The following TSEN54 variants were observed in gnomAD, a reference collection of about 807,000 sequenced individuals.
The protein encoded by TSEN54 is tRNA splicing endonuclease subunit 54, also known as tRNA-splicing endonuclease subunit Sen54.
TSEN54 carries 55 observed loss-of-function variants against 61.9 expected under a neutral mutation model. That is an observed-to-expected ratio of 0.89 (90% CI 0.72 to 1.11). The LOEUF is 1.11. Ranked by LOEUF, TSEN54 falls within the 50% of genes most tolerant of loss-of-function variation. The pLI is 0.00. For missense variants in TSEN54, 760 were observed against 687.7 expected (o/e 1.11, Z -1.18); for synonymous variants, 304 against 288.7 (o/e 1.05, Z -0.54).
Position 75,524,380 on chromosome 17 carries a change from G to A in TSEN54, c.1549G>A (p.Asp517Asn), listed in dbSNP as rs777374981. 3.7e-6 allele frequency: 6 copies of A among 1,614,190 alleles called. No homozygotes were observed. The highest frequency in any genetic ancestry group is 5.1e-6 in the Non-Finnish European group (6 of 1,180,040). Residue 517 changes from aspartate to asparagine, a missense_variant, in exon 11 of 11, where the codon GAC becomes AAC. By Grantham distance (23) the Asp-to-Asn change is conservative (BLOSUM62 1). This residue lies in a region of TSEN54 where 83 missense variants were observed against 82.9 expected (regional missense o/e 1.00). Transcript: ENST00000333213. ...TGACATCTCCTTCTACAGCTTCAGG[G>A]ACTTCACGTTGCCCCAGGATGTGGG... ...HGDISFYSFR[D>N]FTLPQDVGH is the part of the protein sequence containing the mutation.
rs1394346106 is a variant in TSEN54 at position 75,524,282 on chromosome 17, A to G, written c.1451A>G (p.Asp484Gly). Residue 484 changes from aspartate to glycine, a missense_variant, in exon 11 of 11, where the codon GAC (aspartate) becomes GGC (glycine). Physicochemically the swap from Asp to Gly is moderately conservative, Grantham distance 94. Coordinates refer to ENST00000333213, the MANE Select transcript of TSEN54 (RefSeq NM_207346.3). Reference sequence around the variant, plus strand: ...TGCAGATTTGATGAGCCTGTCCCAGACCTCTGCAGCCTCAAGCGGTTGTCT... The same window carrying G: ...TGCAGATTTGATGAGCCTGTCCCAGGCCTCTGCAGCCTCAAGCGGTTGTCT... ...CISGFDEPVP[D>G]LCSLKRLSYQ... is the part of the protein sequence containing the mutation. 5 of 1,613,996 alleles carry G rather than the reference A, an allele frequency of 3.1e-6. No individual in the cohort carries two copies. Among genetic ancestry groups the G allele is most frequent in the Non-Finnish European group, 4.2e-6 (5 of 1,180,034 alleles).
At chr17:75,520,367 C>T (rs962402349) in intron 6 of TSEN54, among the ~76,000 whole-genome samples, 27 of 146,016 alleles carry the variant, frequency 1.8e-4, no homozygotes, top group Admixed American at 1.3e-3. Context: ...CTCAGGAGTA[C>T]GAGACCAGCC....
chr17:75,523,749 G>A lies in TSEN54; in HGVS notation c.1400G>A (p.Gly467Asp). The change falls in exon 10 of 11, where the codon GGC (glycine) becomes GAC (aspartate). Residue 467 changes from glycine (G) to aspartate (D), a missense_variant. By Grantham distance (94) the Gly-to-Asp change is moderately conservative. This residue lies in a region of TSEN54 where 83 missense variants were observed against 82.9 expected (regional missense o/e 1.00). Transcript: ENST00000333213. The stretch of plus-strand genomic sequence containing the variant: ...GCCACATTCCGAAAGAATAACCCTG[G>A]CAAACCCTATGCCCGGATGTGCATT... The part of the protein sequence containing the change: ...AVATFRKNNP[G>D]KPYARMCISG... The A allele has an allele frequency of 1.2e-6, 2 of 1,614,016 alleles. No homozygotes were observed. The highest frequency in any genetic ancestry group is 8.5e-7 in the Non-Finnish European group (1 of 1,179,970).
Position 75,523,753 on chromosome 17 carries a change from A to G in TSEN54, c.1404A>G (p.Lys468=), listed in dbSNP as rs368213101. Residue 468 remains lysine (K), a synonymous_variant, in exon 10 of 11, where the codon AAA becomes AAG. Coordinates refer to ENST00000333213, the MANE Select transcript of TSEN54 (RefSeq NM_207346.3). The part of the protein sequence containing the change: ...VATFRKNNPG[K]PYARMCISGF... The stretch of plus-strand genomic sequence containing the variant: ...CATTCCGAAAGAATAACCCTGGCAA[A>G]CCCTATGCCCGGATGTGCATTAGTG... The G allele has an allele frequency of 8.1e-6, 13 of 1,613,820 alleles. No individual in the cohort carries two copies. The highest frequency in any genetic ancestry group is 1.0e-5 in the Non-Finnish European group (12 of 1,179,968).
chr17:75,523,764 G>A lies in TSEN54; in HGVS notation c.1415G>A (p.Arg472Gln), dbSNP rs151332020. 20 of 1,613,692 alleles carry A rather than the reference G, an allele frequency of 1.2e-5. No individual in the cohort carries two copies. Among genetic ancestry groups the A allele is most frequent in the Middle Eastern group, 1.6e-4 (1 of 6,072 alleles). Residue 472 changes from arginine to glutamine, a missense_variant, in exon 10 of 11, where the codon CGG (arginine) becomes CAG (glutamine). This residue lies in a region of TSEN54 where 83 missense variants were observed against 82.9 expected (regional missense o/e 1.00). Coordinates refer to ENST00000333213, the MANE Select transcript of TSEN54 (RefSeq NM_207346.3). Reference protein sequence around the residue: ...RKNNPGKPYARMCISGFDEPV... With the variant: ...RKNNPGKPYAQMCISGFDEPV... ...AATAACCCTGGCAAACCCTATGCCC[G>A]GATGTGCATTAGTGGGTACGCAGTG... is the stretch of plus-strand genomic sequence containing the variant.
Position 75,523,708 on chromosome 17 carries a change from C to G in TSEN54, c.1359C>G (p.Tyr453Ter), listed in dbSNP as rs776411930. Residue 453 changes from tyrosine to a stop codon, truncating the protein, a stop_gained, in exon 10 of 11, where the codon TAC becomes TAG. Coordinates refer to ENST00000333213, the MANE Select transcript of TSEN54 (RefSeq NM_207346.3). LOFTEE classifies it high-confidence loss of function. Reference protein sequence around the residue: ...SGGLEIIFDVYQADAVATFRK... With the variant: ...SGGLEIIFDV Reference sequence around the variant, plus strand: ...GCTTGGAAATCATCTTTGATGTTTACCAGGCCGACGCTGTGGCCACATTCC... The same window carrying G: ...GCTTGGAAATCATCTTTGATGTTTAGCAGGCCGACGCTGTGGCCACATTCC... The G allele has an allele frequency of 6.2e-7, 1 of 1,614,140 alleles. No individual in the cohort carries two copies. The highest frequency in any genetic ancestry group is 8.5e-7 in the Non-Finnish European group (1 of 1,180,028).
At chr17:75,517,728 G>A in intron 5 of TSEN54, 73 bp downstream of exon 5, 2 of 1,319,744 alleles carry the variant, frequency 1.5e-6, no homozygotes. Flanking sequence ...TACCCATAAG[G>A]TGCCAGGCAC....
At chr17:75,516,953 C>T (rs2053375540) in intron 2 of TSEN54, 43 bp downstream of exon 2, 1 of 1,543,494 alleles carries the variant, frequency 6.5e-7, no homozygotes. Context: ...GGGGGCGAGG[C>T]GGGCCGCGGG....
Position 75,521,972 on chromosome 17 carries a change from C to G in TSEN54, c.891C>G (p.Asn297Lys). ...CGGGAGCCGGTAAGCGGCGCTGGAA[C>G]TTCGAGCAGATCTCCTTCCCCAACA... is the stretch of plus-strand genomic sequence containing the variant. ...GVTGAGKRRW[N>K]FEQISFPNMA... The change falls in exon 8 of 11, where the codon AAC becomes AAG. Residue 297 changes from asparagine to lysine, a missense_variant. This residue lies in a region of TSEN54 where 667 missense variants were observed against 577.8 expected (regional missense o/e 1.15). Transcript: ENST00000333213. The G allele has an allele frequency of 6.2e-7, 1 of 1,608,628 alleles. No homozygotes were observed. Among genetic ancestry groups the G allele is most frequent in the East Asian group, 2.2e-5 (1 of 44,578 alleles).
chr17:75,518,791 A>G, intron 5 of TSEN54: 5 of 985,364 alleles, frequency 5.1e-6, no homozygotes, highest in Non-Finnish European at 6.0e-6. Context: ...GAGTAAGGTA[A>G]GTGGGAGGAC....
rs542613911 is a variant in TSEN54, at chr17:75,518,694, C to G, written c.469-301C>G. 4 of 985,404 alleles carry G rather than the reference C, an allele frequency of 4.1e-6. No homozygotes were observed. In the African/African-American group the frequency reaches 5.2e-5, roughly 13 times the overall value. The allele number at this position is 985,404 out of a possible 1,614,324, so 61.0% of individuals were successfully genotyped here. On this transcript the variant is annotated intron_variant, in intron 5 of 10. Coordinates refer to ENST00000333213, the MANE Select transcript of TSEN54 (RefSeq NM_207346.3). The stretch of plus-strand genomic sequence containing the variant: ...AGCTTCACTCCTATGAGCTTTGTAT[C>G]AAAATACTCAAGTATTTCAGGGCGT...
At position 75,516,809 on chromosome 17, in the gene TSEN54, C is replaced by G. The variant is rs764589115; in HGVS notation, c.120C>G (p.Pro40=). ...SQKLPQRSHG[P]KDFLPDGSAA... ...AGCTGCCCCAGCGCTCGCATGGCCC[C>G]AAGGACTTTCTGCCCGACGGCTCGG... Residue 40 remains proline, a synonymous_variant, in exon 2 of 11, where the codon CCC becomes CCG. Transcript: ENST00000333213. The G allele has an allele frequency of 6.3e-7, 1 of 1,593,550 alleles. No individual in the cohort carries two copies. Among genetic ancestry groups the G allele is most frequent in the African/African-American group, 1.3e-5 (1 of 74,650 alleles).
At chr17:75,521,343 A>G in intron 6 of TSEN54, 66 bp from the exon 7 acceptor site, 1 of 1,365,824 alleles carries the variant, frequency 7.3e-7, no homozygotes, top group Non-Finnish European at 1.0e-6. Flanking sequence ...GTTTCCTTAC[A>G]CATCCCACCA....
rs768929014 is a variant in TSEN54, at chr17:75,521,992, C to G, written c.911C>G (p.Pro304Arg). 6 of 1,604,576 alleles carry G rather than the reference C, an allele frequency of 3.7e-6. No homozygotes were observed. The highest frequency in any genetic ancestry group is 1.3e-5 in the African/African-American group (1 of 74,652). ...RRWNFEQISF[P>R]NMASDSRHTL... The stretch of plus-strand genomic sequence containing the variant: ...TGGAACTTCGAGCAGATCTCCTTCC[C>G]CAACATGGCTTCAGACAGCCGCCAC... Residue 304 changes from proline to arginine, a missense_variant, in exon 8 of 11, where the codon CCC becomes CGC. Physicochemically the swap from Pro to Arg is moderately radical, Grantham distance 103. Transcript: ENST00000333213.
In TSEN54 at chr17:75,516,741, C is replaced by T; in HGVS notation, c.57-5C>T. 3 of 1,554,906 alleles carry T rather than the reference C, an allele frequency of 1.9e-6. No individual in the cohort carries two copies. Among genetic ancestry groups the T allele is most frequent in the South Asian group, 1.2e-5 (1 of 86,332 alleles). On this transcript the variant is annotated splice_region_variant and splice_polypyrimidine_tract_variant and intron_variant, in intron 1 of 10. Transcript: ENST00000333213. ...GCGCTGACCCCGCGTCCCCTTCTCC[C>T]CCAGCGCCCGGGAGCTCTTCGCCGC...
At chr17:75,523,852 G>T in intron 10 of TSEN54, 73 bp downstream of exon 10, 3 of 1,511,114 alleles carry the variant, frequency 2.0e-6, no homozygotes, top group Non-Finnish European at 2.7e-6. Context: ...GGACTCCTCT[G>T]TACTCCCCTG....
At position 75,522,037 on chromosome 17, in the gene TSEN54, C is replaced by T. The variant is rs777317304; in HGVS notation, c.956C>T (p.Ala319Val). 31 of 1,592,382 alleles carry T rather than the reference C, an allele frequency of 1.9e-5. No individual in the cohort carries two copies. Among genetic ancestry groups the T allele is most frequent in the Non-Finnish European group, 2.6e-5 (30 of 1,170,032 alleles). Reference protein sequence around the residue: ...DSRHTLLRAPAPELLPANVAG... With the variant: ...DSRHTLLRAPVPELLPANVAG... ...CGCCACACCCTTCTGCGCGCCCCAG[C>T]CCCAGAGCTGCTCCCGGCCAACGTG... Residue 319 changes from alanine (A) to valine (V), a missense_variant, in exon 8 of 11, where the codon GCC becomes GTC. By Grantham distance (64) the Ala-to-Val change is moderately conservative. Around this residue, in one of 3 missense-constraint regions of TSEN54, gnomAD observed 667 missense variants for 577.8 expected, o/e 1.15. Coordinates refer to ENST00000333213, the MANE Select transcript of TSEN54 (RefSeq NM_207346.3).
rs1384349023 is a variant in TSEN54, at chr17:75,519,012, G to A, written c.486G>A (p.Lys162=). The A allele has an allele frequency of 6.2e-7, 1 of 1,613,906 alleles. No homozygotes were observed. Among genetic ancestry groups the A allele is most frequent in the Non-Finnish European group, 8.5e-7 (1 of 1,180,006 alleles). Residue 162 remains lysine (K), a synonymous_variant, in exon 6 of 11, where the codon AAG becomes AAA. Transcript: ENST00000333213. ...FLQYQVFSHL[K]RLGYVVRRFQ... is the part of the protein sequence containing the mutation. The stretch of plus-strand genomic sequence containing the variant: ...CTTTTGAGGTCTTCAGCCACCTGAA[G>A]AGGTTGGGTTATGTGGTTCGACGAT...
At position 75,521,750 on chromosome 17, in the gene TSEN54, CAA is replaced by C. The variant is rs762142684; in HGVS notation, c.670_671del (p.Lys224GlufsTer69). 46 of 1,612,932 alleles carry C rather than the reference CAA, an allele frequency of 2.9e-5. No individual in the cohort carries two copies. Among genetic ancestry groups the C allele is most frequent in the Admixed American group, 6.7e-5 (4 of 59,998 alleles). ...AGGCCCTGGACAACTCCCTGCAACC[CAA>C]GAGTCTGGCAGCCTCCAGCCCACCT... is the stretch of plus-strand genomic sequence containing the variant. ...AKALDNSLQP[K>X]SLAASSPPPC... On this transcript the variant is annotated frameshift_variant, in exon 8 of 11. Coordinates refer to ENST00000333213, the MANE Select transcript of TSEN54 (RefSeq NM_207346.3). LOFTEE classifies it high-confidence loss of function.
Sources: gnomAD v4.1 joint callset for allele counts (sites outside exome capture counted in the v4.1 genomes callset) on GRCh38, gnomAD v4.1.1 for gene constraint, gnomAD v4.1.1 regional missense constraint, MANE v1.5 for transcripts, NCBI Gene and HGNC (gene_info 2026-07-23, HGNC 2026-07-21) for gene names.